Variants in EPHA7 observed in about 807,000 individuals in gnomAD.
The protein encoded by EPHA7 is ephrin type-A receptor 7.
EPHA7 carries 25 observed loss-of-function variants against 112.6 expected under a neutral mutation model. The observed-to-expected ratio is 0.22, with a 90% CI of 0.16 to 0.31. The LOEUF (loss-of-function observed/expected upper bound fraction) is 0.31, where lower values mean the gene tolerates loss of function less well. Among genes scored for constraint, EPHA7 ranks in the 10% least tolerant of loss-of-function variants. The probability of loss-of-function intolerance (pLI) is 1.00; values close to 1 mark genes in which losing one functional copy is unlikely to be tolerated. For synonymous variants in EPHA7, 437 were observed against 406.5 expected (o/e 1.07, Z -0.90); for missense variants, 962 against 1,212.6 (o/e 0.79, Z 3.07).
At chr6:93,384,328 C>A (rs1371029983) in intron 3 of EPHA7, among the ~76,000 whole-genome samples, 1 of 152,112 alleles carries the variant, frequency 6.6e-6, no homozygotes, top group Non-Finnish European at 1.5e-5. Flanking sequence ...TTGTTGCCTT[C>A]AGCCTCTCTC....
At position 93,356,816 on chromosome 6, in the gene EPHA7, C is replaced by A. The variant is rs1402331883; in HGVS notation, c.1225G>T (p.Ala409Ser). The A allele has an allele frequency of 6.2e-6, 10 of 1,614,046 alleles. No homozygotes were observed. Among genetic ancestry groups the A allele is most frequent in the African/African-American group, 1.3e-5 (1 of 74,936 alleles). Residue 409 changes from alanine to serine, a missense_variant, in exon 5 of 17, where the codon GCT (alanine) becomes TCT (serine). Ala to Ser is a moderately conservative substitution (Grantham distance 99, BLOSUM62 1). This residue lies in a region of EPHA7 where 746 missense variants were observed against 889.2 expected (regional missense o/e 0.84). Transcript: ENST00000369303. Reference sequence around the variant, plus strand: ...GCTTCAACTTCAAAAGTATAATTAGCGTGGGCTAGCAGGTCCATGACAGTG... The same window carrying A: ...GCTTCAACTTCAAAAGTATAATTAGAGTGGGCTAGCAGGTCCATGACAGTG... ...YVTVMDLLAH[A>S]NYTFEVEAVN...
intron 3 of EPHA7, among the ~76,000 whole-genome samples, chr6:93,377,492 T>A (rs370975723): frequency 2.1e-4 from 32 of 151,986 alleles, no homozygotes; most frequent in Admixed American, 6.6e-4. Context: ...CCTAGATGAT[T>A]TGCTTGGAAA....
intron 5 of EPHA7, among the ~76,000 whole-genome samples, chr6:93,322,344 T>C (rs1208802430): frequency 6.6e-6 from 1 of 151,724 alleles, no homozygotes; most frequent in Non-Finnish European, 1.5e-5. Flanking sequence ...GAAGAAATAT[T>C]CCAACAAAAA....
chr6:93,295,406 C>A (rs950287636), intron 5 of EPHA7, among the ~76,000 whole-genome samples: 3 of 151,678 alleles, frequency 2.0e-5, no homozygotes, highest in South Asian at 2.1e-4. Context: ...AGTAGACATT[C>A]TTTTTCCTTC....
At chr6:93,415,140 G>A (rs150002443) in intron 1 of EPHA7, among the ~76,000 whole-genome samples, 1 of 151,872 alleles carries the variant, frequency 6.6e-6, no homozygotes, top group Non-Finnish European at 1.5e-5. Flanking sequence ...AACATAATAA[G>A]GTATAATTCC....
chr6:93,249,472 C>A (rs1343554242), intron 14 of EPHA7, among the ~76,000 whole-genome samples: 2 of 152,034 alleles, frequency 1.3e-5, no homozygotes. Context: ...AAACTAATAA[C>A]TTCTGAAATT....
intron 2 of EPHA7, among the ~76,000 whole-genome samples, chr6:93,412,402 G>A (rs1346428891): frequency 1.3e-5 from 2 of 151,936 alleles, no homozygotes; most frequent in Non-Finnish European, 2.9e-5. Flanking sequence ...TTTAAAACCA[G>A]TCCTTAGAAA....
At chr6:93,418,746 C>T (rs968184959) in intron 1 of EPHA7, among the ~76,000 whole-genome samples, 42 of 152,188 alleles carry the variant, frequency 2.8e-4, no homozygotes, top group African/African-American at 9.6e-4. Context: ...CCGAGCTCAT[C>T]GAAGTCTCGG....
intron 10 of EPHA7, among the ~76,000 whole-genome samples, chr6:93,258,759 C>T (rs1770559097): frequency 6.7e-6 from 1 of 149,752 alleles, no homozygotes; most frequent in South Asian, 2.1e-4. Flanking sequence ...CATTGCTATT[C>T]CTTTTAATTT....
chr6:93,342,854 T>TTTGCCTACTCTAA (rs1237485137), intron 5 of EPHA7, among the ~76,000 whole-genome samples: 4 of 151,886 alleles, frequency 2.6e-5, no homozygotes, highest in African/African-American at 9.6e-5. Context: ...ATGTTATTCA[T>TTTGCCTACTCTAA]TTGCCTACTC....
intron 1 of EPHA7, among the ~76,000 whole-genome samples, chr6:93,417,623 C>T (rs956838274): frequency 1.3e-5 from 2 of 152,118 alleles, no homozygotes; most frequent in African/African-American, 4.8e-5. Flanking sequence ...TGTTCGCGCG[C>T]GGGGTTTCGC....
intron 3 of EPHA7, among the ~76,000 whole-genome samples, chr6:93,405,992 A>T (rs1778701708): frequency 6.7e-6 from 1 of 150,272 alleles, no homozygotes. Flanking sequence ...TGATGCTATA[A>T]AATTGAATGT....
chr6:93,348,227 T>A (rs900326913), intron 5 of EPHA7, among the ~76,000 whole-genome samples: 8 of 151,820 alleles, frequency 5.3e-5, no homozygotes, highest in Non-Finnish European at 7.4e-5. Context: ...CTTAGAGGTA[T>A]TTCCTTATGT....
At chr6:93,373,002 T>G (rs1776876951) in intron 3 of EPHA7, among the ~76,000 whole-genome samples, 1 of 143,520 alleles carries the variant, frequency 7.0e-6, no homozygotes, top group South Asian at 2.1e-4. Flanking sequence ...TGGTATATAC[T>G]CTTACAATTT....
intron 5 of EPHA7, among the ~76,000 whole-genome samples, chr6:93,285,541 A>G (rs1772018966): frequency 6.6e-6 from 1 of 152,240 alleles, no homozygotes; most frequent in South Asian, 2.1e-4. Flanking sequence ...ATCGAAAACA[A>G]TTCTGTTTTA....
chr6:93,340,091 C>T (rs1418391100), intron 5 of EPHA7, among the ~76,000 whole-genome samples: 4 of 151,510 alleles, frequency 2.6e-5, no homozygotes, highest in Non-Finnish European at 5.9e-5. Context: ...CTATATATGC[C>T]TGATTATTAC....
At chr6:93,260,824 G>T in intron 9 of EPHA7, 2 of 784,662 alleles carry the variant, frequency 2.5e-6, no homozygotes, top group Non-Finnish European at 3.1e-6. Context: ...AGAGAGAGGG[G>T]ATAGAAGGAG....
At chr6:93,412,853 T>G (rs1448538445) in intron 2 of EPHA7, among the ~76,000 whole-genome samples, 1 of 152,032 alleles carries the variant, frequency 6.6e-6, no homozygotes, top group Non-Finnish European at 1.5e-5. Flanking sequence ...AAGAATTCCT[T>G]TATCTAACTT....
intron 10 of EPHA7, among the ~76,000 whole-genome samples, chr6:93,258,849 C>T (rs1033211437): frequency 1.3e-5 from 2 of 151,166 alleles, no homozygotes; most frequent in African/African-American, 4.8e-5. Context: ...GAATTAGAAT[C>T]AGAAATGTAT....
Sources: gnomAD v4.1 joint callset for allele counts (sites outside exome capture counted in the v4.1 genomes callset) on GRCh38, gnomAD v4.1.1 for gene constraint, gnomAD v4.1.1 regional missense constraint, MANE v1.5 for transcripts, NCBI Gene and HGNC (gene_info 2026-07-23, HGNC 2026-07-21) for gene names.